ANKRD55: variants seen among roughly 807,000 people sequenced by gnomAD.
ANKRD55 encodes ankyrin repeat domain-containing protein 55.
In ANKRD55, 41 loss-of-function variants were observed where a neutral mutation model predicts 60.6. The ratio of observed to expected loss-of-function variants is 0.68; its 90% CI spans 0.53 to 0.88. ANKRD55 has a LOEUF of 0.88. Ranked by LOEUF, ANKRD55 falls within the 40% of genes least tolerant of loss-of-function variation. The pLI, the probability that ANKRD55 is intolerant of heterozygous loss-of-function variation, is 0.00. For synonymous variants in ANKRD55, 264 were observed against 290.3 expected, an observed-to-expected ratio of 0.91 and a Z score of 0.92; for missense variants, 732 against 767.6, an observed-to-expected ratio of 0.95 and a Z score of 0.55.
chr5:56,148,001 G>T (rs1226854332), intron 6 of ANKRD55, among the ~76,000 whole-genome samples: 1 of 152,198 alleles, frequency 6.6e-6, no homozygotes, highest in Non-Finnish European at 1.5e-5. Flanking sequence ...TCTGTACTAA[G>T]CAGTGACAGA....
rs1441322616 is a variant in ANKRD55 at position 56,171,260 on chromosome 5, G to A, written c.313-457C>T. Among the ~76,000 whole-genome samples the A allele has an allele frequency of 3.3e-5, 5 of 152,310 alleles. No individual in the cohort carries two copies. In the East Asian group the frequency reaches 9.6e-4, roughly 29 times the overall value. On this transcript the variant is annotated intron_variant, in intron 4 of 11. Transcript: ENST00000341048. ...ATGGCTGGGACCCTGCCACCTTGTT[G>A]ACTGATCTTTCTGATGCTGAAAGCT...
intron 2 of ANKRD55, among the ~76,000 whole-genome samples, chr5:56,221,714 G>A (rs765759587): frequency 2.6e-5 from 4 of 152,252 alleles, no homozygotes; most frequent in South Asian, 4.1e-4. Context: ...TGCCTAGCTT[G>A]GAGGGTCCCA....
intron 8 of ANKRD55, 98 bp downstream of exon 8, chr5:56,126,824 T>C (rs552575596): frequency 1.7e-5 from 23 of 1,331,026 alleles, no homozygotes; most frequent in Non-Finnish European, 2.4e-5. Flanking sequence ...AATAGGGATA[T>C]AGCTGTATAG....
At chr5:56,192,980 T>A (rs1361097581) in intron 2 of ANKRD55, 1 of 818,838 alleles carries the variant, frequency 1.2e-6, no homozygotes, top group Non-Finnish European at 1.9e-6. Flanking sequence ...TGAGCTATAC[T>A]GGAAAACAAT....
intron 10 of ANKRD55, 25 bp from the exon 11 acceptor site, chr5:56,102,611 A>G (rs1756321437): frequency 1.3e-6 from 2 of 1,556,422 alleles, no homozygotes; most frequent in Non-Finnish European, 1.8e-6. Flanking sequence ...ATTTGCATCA[A>G]TTACTTGAGA....
intron 2 of ANKRD55, among the ~76,000 whole-genome samples, chr5:56,206,356 C>T (rs1431251230): frequency 6.6e-6 from 1 of 152,096 alleles, no homozygotes; most frequent in Non-Finnish European, 1.5e-5. Context: ...AGTATGCTTT[C>T]CGTACAGTCA....
intron 2 of ANKRD55, among the ~76,000 whole-genome samples, chr5:56,191,313 A>G (rs953035789): frequency 4.6e-5 from 7 of 152,182 alleles, no homozygotes; most frequent in Non-Finnish European, 1.0e-4. Flanking sequence ...GCATCTTAAT[A>G]ATATTAAGTT....
In ANKRD55 at chr5:56,111,388, T is replaced by C. The variant is rs754972483; in HGVS notation, c.1360A>G (p.Thr454Ala). ...NNFLTASHRA[T>A]SHAGLSSAPH... The stretch of plus-strand genomic sequence containing the variant: ...GCAGAGCTCAGGCCTGCATGGGAAG[T>C]GGCCCTATGGGAGGCTGTTAGGAAG... The change falls in exon 10 of 12, where the codon ACT becomes GCT. Residue 454 changes from threonine to alanine, a missense_variant. By Grantham distance (58) the Thr-to-Ala change is moderately conservative. Coordinates refer to ENST00000341048, the MANE Select transcript of ANKRD55 (RefSeq NM_024669.3). 6.2e-7 allele frequency: 1 copy of C among 1,614,136 alleles called. No homozygotes were observed. The highest frequency in any genetic ancestry group is 8.5e-7 in the Non-Finnish European group (1 of 1,180,032).
intron 2 of ANKRD55, chr5:56,192,720 A>G: frequency 7.3e-7 from 1 of 1,369,180 alleles, no homozygotes; most frequent in South Asian, 1.2e-5. Context: ...GGACAGAATC[A>G]TCTAGGAGGA....
chr5:56,146,697 AT>A (rs1757908791), intron 6 of ANKRD55: 2 of 152,258 alleles, frequency 1.3e-5, no homozygotes, highest in Admixed American at 1.3e-4. Flanking sequence ...TTACCAACTC[AT>A]TAGCTGAAAC....
At chr5:56,141,130 G>GTTTT (rs33972955) in intron 7 of ANKRD55, among the ~76,000 whole-genome samples, 3,890 of 111,580 alleles carry the variant, frequency 0.035, 117 homozygotes, top group East Asian at 0.096. Flanking sequence ...TGCACACACA[G>GTTTT]TTTTTTTTTT....
chr5:56,176,163 C>A lies in ANKRD55; in HGVS notation c.301G>T (p.Ala101Ser). 6.2e-7 allele frequency: 1 copy of A among 1,614,186 alleles called. No homozygotes were observed. The highest frequency in any genetic ancestry group is 8.5e-7 in the Non-Finnish European group (1 of 1,180,028). ...DAYGRTSLCL[A>S]TYLGWLEGCV... ...GCACAAGTCAGTACCAGGTAGGTGG[C>A]CAGGCATAAACTTGTGCGGCCATAA... The change falls in exon 4 of 12, where the codon GCC (alanine) becomes TCC (serine). Residue 101 changes from alanine to serine, a missense_variant. Around this residue, in one of 3 missense-constraint regions of ANKRD55, gnomAD observed 131 missense variants for 142.7 expected, o/e 0.92. Transcript: ENST00000341048.
At chr5:56,125,160 T>C (rs1326595245) in intron 8 of ANKRD55, among the ~76,000 whole-genome samples, 3 of 152,216 alleles carry the variant, frequency 2.0e-5, no homozygotes, top group Non-Finnish European at 4.4e-5. Context: ...CTTTCTGAAA[T>C]TTGTTCTTTT....
intron 6 of ANKRD55, among the ~76,000 whole-genome samples, chr5:56,150,300 ACTT>A (rs1352684440): frequency 6.6e-6 from 1 of 152,190 alleles, no homozygotes; most frequent in East Asian, 1.9e-4. Flanking sequence ...ATGTCTCACT[ACTT>A]CAACAATTGT....
At chr5:56,193,487 CA>C in intron 2 of ANKRD55, 1 of 485,642 alleles carries the variant, frequency 2.1e-6, no homozygotes. Flanking sequence ...GTTGATTTTA[CA>C]ACTGTGTATG....
intron 6 of ANKRD55, 121 bp from the exon 7 acceptor site, chr5:56,144,050 G>GTTCATTCA: frequency 7.9e-7 from 1 of 1,272,620 alleles, no homozygotes; most frequent in Non-Finnish European, 1.1e-6. Flanking sequence ...TTTCCTGCTG[G>GTTCATTCA]TTCATTCATT....
intron 2 of ANKRD55, among the ~76,000 whole-genome samples, chr5:56,207,259 ATG>A (rs920643562): frequency 4.6e-5 from 7 of 152,154 alleles, no homozygotes; most frequent in Non-Finnish European, 1.0e-4. Flanking sequence ...TGCTGGTCTT[ATG>A]TGTGTGTTCC....
intron 8 of ANKRD55, among the ~76,000 whole-genome samples, chr5:56,122,598 G>T (rs1757100779): frequency 6.6e-6 from 1 of 151,956 alleles, no homozygotes; most frequent in Non-Finnish European, 1.5e-5. Flanking sequence ...GGTGGAGGTT[G>T]CAGTGAGCTG....
In ANKRD55 at chr5:56,100,284, G is replaced by A. The variant is rs143274111; in HGVS notation, c.1744C>T (p.Arg582Trp). ...ATTGCAGGAAGCACTCGGTTTGTCC[G>A]CAGAGGTTCTCCAGATAGAACTGGG... ...DQKFLSGEPLRTNRVLPAIPS... is the reference protein window; with the variant it reads ...DQKFLSGEPLWTNRVLPAIPS... The change falls in exon 12 of 12, where the codon CGG (arginine) becomes TGG (tryptophan). Residue 582 changes from arginine (R) to tryptophan (W), a missense_variant. Physicochemically the swap from Arg to Trp is moderately radical, Grantham distance 101. Around this residue, in one of 3 missense-constraint regions of ANKRD55, gnomAD observed 597 missense variants for 607.5 expected, o/e 0.98. Coordinates refer to ENST00000341048, the MANE Select transcript of ANKRD55 (RefSeq NM_024669.3). 2.4e-5 allele frequency: 38 copies of A among 1,614,138 alleles called. No homozygotes were observed. The highest frequency in any genetic ancestry group is 1.1e-4 in the South Asian group (10 of 91,078).
Sources: gnomAD v4.1 joint callset for allele counts (sites outside exome capture counted in the v4.1 genomes callset) on GRCh38, gnomAD v4.1.1 for gene constraint, gnomAD v4.1.1 regional missense constraint, MANE v1.5 for transcripts, NCBI Gene and HGNC (gene_info 2026-07-23, HGNC 2026-07-21) for gene names.